Variants in GOLGA8S observed in about 807,000 individuals in gnomAD.
The protein encoded by GOLGA8S is golgin subfamily A member 8S.
Under a neutral mutation model 58.9 loss-of-function variants are expected in GOLGA8S, and 23 were observed. That is an observed-to-expected ratio of 0.39 (90% confidence interval 0.28 to 0.55). The LOEUF is 0.55. GOLGA8S is among the 20% of genes least tolerant of loss of function. GOLGA8S has a pLI of 0.63. For synonymous variants in GOLGA8S, 84 were observed against 195.7 expected (o/e 0.43, Z 4.76); for missense variants, 266 against 514.2 (o/e 0.52, Z 4.67).
intron 12 of GOLGA8S, 52 bp downstream of exon 12, chr15:23,361,508 T>A: frequency 2.7e-6 from 2 of 748,094 alleles, no homozygotes; most frequent in Non-Finnish European, 4.8e-6. Flanking sequence ...CTCCAGGCCT[T>A]TGTTTCCCCA....
chr15:23,368,339 A>C (rs1197298400), downstream of GOLGA8S, among the ~76,000 whole-genome samples: 1 of 151,916 alleles, frequency 6.6e-6, no homozygotes, highest in East Asian at 1.9e-4. Context: ...TTTTGCCTTA[A>C]AATTTTATTT....
At chr15:23,364,387 G>A (rs1426116144) in exon 16 of GOLGA8S, 1 of 1,603,738 alleles carries the variant, frequency 6.2e-7, no homozygotes, top group Non-Finnish European at 8.5e-7. Context: ...ACCTGAGTGA[G>A]CTGGTGAAGA....
In GOLGA8S at chr15:23,360,666, G is replaced by T. The variant is rs660589; in HGVS notation, c.787-62G>T. The stretch of plus-strand genomic sequence containing the variant: ...GTGGAGGTGGGGGCAGAGAGGGAGA[G>T]GGCAGCCTGTCCAGCCTCCAGCCCC... On this transcript the variant is annotated intron_variant, in intron 10 of 18. Transcript: ENST00000562295. 73 of 1,234,416 alleles carry T rather than the reference G, an allele frequency of 5.9e-5. 2 individuals carry two copies. The East Asian group carries it at 8.1e-4, about 14-fold the overall frequency. The allele number at this position is 1,234,416 out of a possible 1,614,324, so 76.5% of individuals were successfully genotyped here. A position where few individuals can be genotyped will look rare whatever the true frequency, so the allele number is the denominator to read the frequency against.
Position 23,361,137 on chromosome 15 carries a change from T to G in GOLGA8S, c.875-84T>G, listed in dbSNP as rs1351508931. On this transcript the variant is annotated intron_variant, in intron 11 of 18. Transcript: ENST00000562295. ...AGCTGTGCGCCAAGAGGAGGGTTTT[T>G]TCTTTTCTTTTCTTTTCTTTTCTTT... The G allele has an allele frequency of 3.1e-5, 27 of 870,496 alleles. No homozygotes were observed. In the African/African-American group the frequency reaches 4.9e-4, roughly 16 times the overall value. 53.9% of individuals were successfully genotyped at this position (870,496 alleles called of 1,614,324 possible). A position where few individuals can be genotyped will look rare whatever the true frequency, so the allele number is the denominator to read the frequency against.
At chr15:23,365,239 C>T (rs2069901079), downstream of GOLGA8S, 3 of 1,161,584 alleles carry the variant, frequency 2.6e-6, no homozygotes, top group East Asian at 6.9e-5. Flanking sequence ...ATGTTAGAGT[C>T]ACTCATGATT....
rs564053946 is a variant in GOLGA8S, at chr15:23,360,603, G to A, written c.786+71G>A. On this transcript the variant is annotated intron_variant, in intron 10 of 18. Coordinates refer to ENST00000562295, the Ensembl canonical transcript of GOLGA8S. The stretch of plus-strand genomic sequence containing the variant: ...ATCTTTCTGGGCACCTGTAAAATGG[G>A]AATAGTAGAGCCAGAGGTGGTCATG... The A allele has an allele frequency of 1.1e-4, 122 of 1,151,342 alleles. 4 individuals are homozygous for A. The Admixed American group carries it at 2.0e-3, about 19-fold the overall frequency. 71.3% of individuals were successfully genotyped at this position (1,151,342 alleles called of 1,614,324 possible).
At chr15:23,361,170 T>TTTTCTTTTCTTTTCTTTTCTTTTCTTTCC (rs758785376) in intron 11 of GOLGA8S, 51 bp from the exon 12 acceptor site, 1 of 290,726 alleles carries the variant, frequency 3.4e-6, no homozygotes, top group Non-Finnish European at 5.0e-6. Flanking sequence ...TTTTCTTTTC[T>TTTTCTTTTCTTTTCTTTTCTTTTCTTTCC]TTTTTTTTTT....
At chr15:23,368,145 G>A (rs557908078), downstream of GOLGA8S, among the ~76,000 whole-genome samples, 186 of 151,984 alleles carry the variant, frequency 1.2e-3, 13 homozygotes, top group South Asian at 0.038. Flanking sequence ...AGAAAGAAAT[G>A]CCAATTCCAG....
downstream of GOLGA8S, chr15:23,366,664 G>T (rs529039591): frequency 3.3e-3 from 504 of 151,840 alleles, 3 homozygotes; most frequent in Admixed American, 4.1e-3. Context: ...GACATATTTT[G>T]TGCAATATTT....
intron 15 of GOLGA8S, 100 bp from the exon 16 acceptor site, chr15:23,364,243 C>G (rs1161705303): frequency 9.8e-6 from 15 of 1,537,162 alleles, no homozygotes; most frequent in South Asian, 6.9e-5. Context: ...CACGGAGAAG[C>G]TGGCCCATGC....
At chr15:23,366,669 A>G (rs1485231738), downstream of GOLGA8S, 3 of 151,922 alleles carry the variant, frequency 2.0e-5, no homozygotes, top group Non-Finnish European at 2.9e-5. Context: ...ATTTTGTGCA[A>G]TATTTATGTG....
Position 23,359,394 on chromosome 15 carries a change from G to C in GOLGA8S, c.591+185G>C, listed in dbSNP as rs4558391. 4.3e-4 allele frequency among the ~76,000 whole-genome samples: 63 copies of C among 146,298 alleles called. 3 individuals carry two copies. In the East Asian group the frequency reaches 4.5e-3, roughly 10 times the overall value. On this transcript the variant is annotated intron_variant, in intron 8 of 18. Coordinates refer to ENST00000562295, the Ensembl canonical transcript of GOLGA8S. ...AGTCAGCTGCTGTGGGTGAGTTGGGGGGCACTCTGGGGACAAAGCACAGGA... is the reference window on the plus strand; with the variant it reads ...AGTCAGCTGCTGTGGGTGAGTTGGGCGGCACTCTGGGGACAAAGCACAGGA...
At chr15:23,359,706 CT>C in intron 8 of GOLGA8S, among the ~76,000 whole-genome samples, 1 of 142,784 alleles carries the variant, frequency 7.0e-6, no homozygotes, top group African/African-American at 2.6e-5. Context: ...ATGTATTATC[CT>C]TTCAAAAAGT....
rs1324406606 is a variant in GOLGA8S, at chr15:23,359,527, C to T, written c.591+318C>T. 2.8e-5 allele frequency among the ~76,000 whole-genome samples: 4 copies of T among 141,834 alleles called. 1 individual carries two copies. Among genetic ancestry groups the T allele is most frequent in the African/African-American group, 5.4e-5 (2 of 37,126 alleles). The allele number at this position is 141,834 out of a possible 152,430, so 93.0% of individuals were successfully genotyped here. ...GTACTGTGAAGGTACAGAAGAGTAC[C>T]TTTAGTATGTTACCATTTCTGTAGA... On this transcript the variant is annotated intron_variant, in intron 8 of 18. Transcript: ENST00000562295.
At chr15:23,367,914 A>T (rs2069947281), downstream of GOLGA8S, among the ~76,000 whole-genome samples, 1 of 151,996 alleles carries the variant, frequency 6.6e-6, no homozygotes. Context: ...AGAAATGAAA[A>T]AAAAATCAGC....
At chr15:23,362,167 C>T (rs2141027036) in intron 13 of GOLGA8S, among the ~76,000 whole-genome samples, 1 of 150,002 alleles carries the variant, frequency 6.7e-6, no homozygotes, top group South Asian at 2.2e-4. Context: ...TGAGATCAGC[C>T]TGGCCGACAT....
downstream of GOLGA8S, chr15:23,365,572 T>C (rs1417819777): frequency 3.5e-6 from 1 of 282,798 alleles, no homozygotes; most frequent in East Asian, 9.9e-5. Flanking sequence ...GATCTAATCT[T>C]AATCACAGTG....
At chr15:23,356,242 G>T (rs191681216) in intron 1 of GOLGA8S, among the ~76,000 whole-genome samples, 3 of 145,224 alleles carry the variant, frequency 2.1e-5, no homozygotes, top group African/African-American at 7.4e-5. Flanking sequence ...GTGTGAGGAT[G>T]TATGACTAAA....
downstream of GOLGA8S, chr15:23,366,551 A>G (rs564053984): frequency 2.0e-5 from 3 of 152,258 alleles, no homozygotes; most frequent in South Asian, 4.2e-4. Flanking sequence ...GTGAATGTCA[A>G]TGTATTATCA....
Sources: gnomAD v4.1 joint callset for allele counts (sites outside exome capture counted in the v4.1 genomes callset) on GRCh38, gnomAD v4.1.1 for gene constraint, MANE v1.5 for transcripts, NCBI Gene and HGNC (gene_info 2026-07-23, HGNC 2026-07-21) for gene names.